GAS7: variants seen among roughly 807,000 people sequenced by gnomAD.
The protein encoded by GAS7 is growth arrest-specific protein 7.
A neutral mutation model predicts 71.1 loss-of-function variants in GAS7; 28 were observed. The observed-to-expected ratio is 0.39, with a 90% CI of 0.29 to 0.54. The LOEUF is 0.54. GAS7 is among the 20% of genes least tolerant of loss of function. The pLI is 0.62. For missense variants in GAS7, 436 were observed against 627.8 expected, an observed-to-expected ratio of 0.69 and a Z score of 3.27; for synonymous variants, 258 against 245.8, an observed-to-expected ratio of 1.05 and a Z score of -0.46.
At position 9,915,316 on chromosome 17, in the gene GAS7, A is replaced by G. The variant is rs1210813018; in HGVS notation, c.*1912T>C. The G allele has an allele frequency of 4.3e-6, 1 of 230,800 alleles. No homozygotes were observed. The highest frequency in any genetic ancestry group is 8.6e-6 in the Non-Finnish European group (1 of 116,360). The allele number at this position is 230,800 out of a possible 1,614,324, so 14.3% of individuals were successfully genotyped here. A position where few individuals can be genotyped will look rare whatever the true frequency, so the allele number is the denominator to read the frequency against. On this transcript the variant is annotated 3_prime_UTR_variant, in exon 14 of 14. Coordinates refer to ENST00000432992, the MANE Select transcript of GAS7 (RefSeq NM_201433.2). ...TTGAATGTTTGGAAATCATCCACAG[A>G]GTAGTTTACTAAGCCACAAAGCAAT...
At position 9,966,220 on chromosome 17, in the gene GAS7, G is replaced by A. The variant is rs1045649770; in HGVS notation, c.471+3457C>T. Among the ~76,000 whole-genome samples the A allele has an allele frequency of 3.3e-5, 5 of 151,802 alleles. No homozygotes were observed. In the South Asian group the frequency reaches 1.0e-3, roughly 32 times the overall value. On this transcript the variant is annotated intron_variant, in intron 4 of 13. Coordinates refer to ENST00000432992, the MANE Select transcript of GAS7 (RefSeq NM_201433.2). Reference sequence around the variant, plus strand: ...TCACAGTGTTAGCCAGGATGGTCTCGATCTCCTGACCTCCTGATCTGCCTG... The same window carrying A: ...TCACAGTGTTAGCCAGGATGGTCTCAATCTCCTGACCTCCTGATCTGCCTG...
chr17:10,173,044 T>C (rs2074346784), intron 1 of GAS7, among the ~76,000 whole-genome samples: 1 of 152,216 alleles, frequency 6.6e-6, no homozygotes, highest in African/African-American at 2.4e-5. Flanking sequence ...AAATGAACCC[T>C]GAAGACATCA....
chr17:10,155,688 G>A (rs2074200281), intron 1 of GAS7, among the ~76,000 whole-genome samples: 1 of 152,148 alleles, frequency 6.6e-6, no homozygotes, highest in Admixed American at 6.6e-5. Context: ...GGTCCACTCA[G>A]TCCTCTCCTG....
chr17:10,132,586 C>A (rs765420270), intron 1 of GAS7, among the ~76,000 whole-genome samples: 1 of 151,996 alleles, frequency 6.6e-6, no homozygotes, highest in Non-Finnish European at 1.5e-5. Flanking sequence ...GCCAACAGGG[C>A]GAAACCCCGT....
chr17:10,140,790 G>C (rs1282319522), intron 1 of GAS7, among the ~76,000 whole-genome samples: 1 of 152,222 alleles, frequency 6.6e-6, no homozygotes, highest in Non-Finnish European at 1.5e-5. Flanking sequence ...GGCTGGGGTA[G>C]TGGAAAGCCG....
rs1292846731 is a variant in GAS7 at position 9,952,042 on chromosome 17, T to C, written c.526-5059A>G. Reference sequence around the variant, plus strand: ...TCCAAGCCAACCACCTAAAAGGCCATGGAAGTCCTGAGGAGGACTGAGACC... The same window carrying C: ...TCCAAGCCAACCACCTAAAAGGCCACGGAAGTCCTGAGGAGGACTGAGACC... On this transcript the variant is annotated intron_variant, in intron 5 of 13. Coordinates refer to ENST00000432992, the MANE Select transcript of GAS7 (RefSeq NM_201433.2). Among the ~76,000 whole-genome samples, 5 of 152,102 alleles carry C rather than the reference T, an allele frequency of 3.3e-5. No homozygotes were observed. The East Asian group carries it at 9.7e-4, about 29-fold the overall frequency.
chr17:10,135,377 T>G (rs2074030473), intron 1 of GAS7, among the ~76,000 whole-genome samples: 1 of 152,110 alleles, frequency 6.6e-6, no homozygotes, highest in African/African-American at 2.4e-5. Flanking sequence ...ACCTCCAGAG[T>G]CAAGTCCCAC....
Position 10,198,355 on chromosome 17 carries a change from G to A in GAS7, c.36C>T (p.Phe12=), listed in dbSNP as rs2074556516. 1 of 1,597,726 alleles carries A rather than the reference G, an allele frequency of 6.3e-7. No individual in the cohort carries two copies. The highest frequency in any genetic ancestry group is 1.1e-5 in the South Asian group (1 of 90,776). Residue 12 remains phenylalanine (F), a synonymous_variant, in exon 1 of 14, where the codon TTC becomes TTT. Transcript: ENST00000432992. ...SGARCRTLYP[F]SGERHGQGLR... Reference sequence around the variant, plus strand: ...GCCCCTGGCCGTGCCGCTCCCCGGAGAAGGGGTACAGGGTCCGGCAGCGAG... The same window carrying A: ...GCCCCTGGCCGTGCCGCTCCCCGGAAAAGGGGTACAGGGTCCGGCAGCGAG...
At chr17:10,144,228 C>T (rs1026335176) in intron 1 of GAS7, among the ~76,000 whole-genome samples, 3 of 152,312 alleles carry the variant, frequency 2.0e-5, no homozygotes, top group Admixed American at 1.3e-4. Flanking sequence ...CAGCTGTGCC[C>T]ACCTGCTAGT....
chr17:9,998,699 A>AGGGAAGGGAAGGAAAAGGG (rs1597647691), intron 2 of GAS7, among the ~76,000 whole-genome samples: 1 of 152,006 alleles, frequency 6.6e-6, no homozygotes, highest in East Asian at 1.9e-4. Flanking sequence ...AGGAAAAGGA[A>AGGGAAGGGAAGGAAAAGGG]AAGGGAAGGG....
intron 1 of GAS7, among the ~76,000 whole-genome samples, chr17:10,169,624 A>G (rs533022208): frequency 6.6e-6 from 1 of 151,282 alleles, no homozygotes; most frequent in East Asian, 2.0e-4. Context: ...TTTTCCGCCC[A>G]CTCTTTGGTT....
In GAS7 at chr17:10,039,286, C is replaced by T. The variant is rs189750091; in HGVS notation, c.184-19389G>A. 2.1e-3 allele frequency among the ~76,000 whole-genome samples: 322 copies of T among 151,844 alleles called. 2 individuals carry two copies. The highest frequency in any genetic ancestry group is 7.3e-3 in the African/African-American group (301 of 41,416). On this transcript the variant is annotated intron_variant, in intron 1 of 13. Transcript: ENST00000432992. ...GTTTAGATCAAAAGACCCTGTGACC[C>T]ATAAGCCGCTTCATGAGATACACCA...
chr17:10,191,555 CAAAA>C (rs59145222), intron 1 of GAS7, among the ~76,000 whole-genome samples: 9 of 88,134 alleles, frequency 1.0e-4, no homozygotes, highest in Admixed American at 2.6e-4. Flanking sequence ...GACCCTGTGT[CAAAA>C]AAAAAAAAAA....
At chr17:9,978,502 T>G (rs71358280) in intron 3 of GAS7, among the ~76,000 whole-genome samples, 10,574 of 150,468 alleles carry the variant, frequency 0.07, 396 homozygotes, top group South Asian at 0.11. Context: ...AAAATAATAA[T>G]AAGAAGAAGA....
At chr17:10,145,697 G>C (rs2074115972) in intron 1 of GAS7, among the ~76,000 whole-genome samples, 1 of 152,202 alleles carries the variant, frequency 6.6e-6, no homozygotes, top group South Asian at 2.1e-4. Flanking sequence ...GGACAGTATA[G>C]CTGGGCCAGG....
chr17:10,167,044 CTTTTTTTT>C lies in GAS7; in HGVS notation c.183+31156_183+31163del, dbSNP rs1164151104. Among the ~76,000 whole-genome samples, 53 of 58,812 alleles carry C rather than the reference CTTTTTTTT, an allele frequency of 9.0e-4. No individual in the cohort carries two copies. The South Asian group carries it at 0.01, about 11-fold the overall frequency. 38.6% of individuals were successfully genotyped at this position (58,812 alleles called of 152,430 possible). ...AAACCAATCTACTATTTCCATTTGT[CTTTTTTTT>C]TTTTTTTTTTTTTTTTTTTTTTGAG... is the stretch of plus-strand genomic sequence containing the variant. On this transcript the variant is annotated intron_variant, in intron 1 of 13. Transcript: ENST00000432992.
At chr17:9,977,723 T>A (rs1424886074) in intron 3 of GAS7, among the ~76,000 whole-genome samples, 1 of 108,172 alleles carries the variant, frequency 9.2e-6, no homozygotes, top group Non-Finnish European at 1.7e-5. Context: ...ATTCAAAGAC[T>A]GGAGTCTAGT....
intron 2 of GAS7, among the ~76,000 whole-genome samples, chr17:10,006,348 G>A (rs1416058571): frequency 8.4e-5 from 1 of 11,868 alleles, no homozygotes; most frequent in Non-Finnish European, 3.0e-4. Flanking sequence ...TTTTTTTTTT[G>A]AGACAGAGTC....
chr17:10,076,008 A>G (rs2073386155), intron 1 of GAS7, among the ~76,000 whole-genome samples: 1 of 150,668 alleles, frequency 6.6e-6, no homozygotes, highest in Non-Finnish European at 1.5e-5. Flanking sequence ...AGGTTAAGGC[A>G]TGAGAATCAC....
Sources: gnomAD v4.1 joint callset for allele counts (sites outside exome capture counted in the v4.1 genomes callset) on GRCh38, gnomAD v4.1.1 for gene constraint, MANE v1.5 for transcripts, NCBI Gene and HGNC (gene_info 2026-07-23, HGNC 2026-07-21) for gene names.